Variants in SHISAL1 observed in about 807,000 individuals in gnomAD.
The protein encoded by SHISAL1 is shisa like 1.
In SHISAL1, 9 loss-of-function variants were observed where a neutral mutation model predicts 22.6. The observed-to-expected ratio is 0.40, with a 90% confidence interval of 0.24 to 0.70. SHISAL1 has a LOEUF of 0.70. Ranked by LOEUF, SHISAL1 falls within the 30% of genes least tolerant of loss-of-function variation. The pLI, the probability that SHISAL1 is intolerant of heterozygous loss-of-function variation, is 0.39. For synonymous variants in SHISAL1, 119 were observed against 115.4 expected (o/e 1.03, Z -0.20); for missense variants, 246 against 270.6 (o/e 0.91, Z 0.64).
chr22:44,275,763 G>A (rs376555686), intron 4 of SHISAL1, among the ~76,000 whole-genome samples: 5 of 152,160 alleles, frequency 3.3e-5, no homozygotes, highest in East Asian at 1.9e-4. Context: ...AATGAGGCTC[G>A]GGATGGCCAA....
At chr22:44,256,189 A>C (rs1301393595) in intron 4 of SHISAL1, among the ~76,000 whole-genome samples, 57 of 112,850 alleles carry the variant, frequency 5.1e-4, no homozygotes, top group Middle Eastern at 9.7e-3. Context: ...GGGTCTCAGG[A>C]CTGGAACTCA....
Position 44,246,770 on chromosome 22 carries a change from C to T in SHISAL1, c.*2915G>A, listed in dbSNP as rs1238741184. The T allele has an allele frequency of 6.7e-6, 1 of 149,304 alleles. No homozygotes were observed. The highest frequency in any genetic ancestry group is 1.5e-5 in the Non-Finnish European group (1 of 67,208). The allele number at this position is 149,304 out of a possible 1,614,324, so 9.2% of individuals were successfully genotyped here. A position where few individuals can be genotyped will look rare whatever the true frequency, so the allele number is the denominator to read the frequency against. ...ACTAACTGGTACCCTACCTCACACA[C>T]TTGACAGGTGAGAAGCAGAGGCTCT... is the stretch of plus-strand genomic sequence containing the variant. On this transcript the variant is annotated 3_prime_UTR_variant, in exon 5 of 5. Coordinates refer to ENST00000381176, the MANE Select transcript of SHISAL1 (RefSeq NM_001099294.2).
intron 4 of SHISAL1, among the ~76,000 whole-genome samples, chr22:44,253,531 C>T (rs548641468): frequency 3.7e-4 from 56 of 149,790 alleles, no homozygotes; most frequent in African/African-American, 1.4e-3. Flanking sequence ...TGGGTTCAAG[C>T]GTTTCTCCTG....
At chr22:44,271,523 G>A (rs2055205483) in intron 4 of SHISAL1, among the ~76,000 whole-genome samples, 1 of 152,236 alleles carries the variant, frequency 6.6e-6, no homozygotes, top group African/African-American at 2.4e-5. Flanking sequence ...GAGCCAAAAT[G>A]CCCATGTTGG....
At chr22:44,300,687 GAGAC>G (rs2055421797) in intron 2 of SHISAL1, among the ~76,000 whole-genome samples, 188 bp downstream of exon 2, 1 of 152,126 alleles carries the variant, frequency 6.6e-6, no homozygotes, top group South Asian at 2.1e-4. Flanking sequence ...TAGAGACAGA[GAGAC>G]AGAGACAGAC....
At chr22:44,288,923 C>G (rs2055334423) in intron 3 of SHISAL1, among the ~76,000 whole-genome samples, 1 of 152,178 alleles carries the variant, frequency 6.6e-6, no homozygotes. Context: ...TTGGGAGGGC[C>G]CTGAAGGCGG....
chr22:44,289,575 C>A (rs2055339201), intron 3 of SHISAL1, among the ~76,000 whole-genome samples: 1 of 152,160 alleles, frequency 6.6e-6, no homozygotes, highest in Admixed American at 6.5e-5. Context: ...CCAGCTCATC[C>A]TCCCTGTCAG....
Position 44,247,714 on chromosome 22 carries a change from G to C in SHISAL1, c.*1971C>G, listed in dbSNP as rs891629171. ...TCTTCATGGGGCTGTTGAGAGGATG[G>C]ACAGCCAGGCAGAATGGAGGATGCT... On this transcript the variant is annotated 3_prime_UTR_variant, in exon 5 of 5. Transcript: ENST00000381176. 9.2e-5 allele frequency: 14 copies of C among 152,322 alleles called. No homozygotes were observed. Among genetic ancestry groups the C allele is most frequent in the African/African-American group, 3.4e-4 (14 of 41,478 alleles). The allele number at this position is 152,322 out of a possible 1,614,324, so 9.4% of individuals were successfully genotyped here.
upstream of SHISAL1, among the ~76,000 whole-genome samples, chr22:44,315,251 A>T (rs1354536755): frequency 6.6e-6 from 1 of 152,164 alleles, no homozygotes; most frequent in African/African-American, 2.4e-5. Context: ...TCAAGGTTCA[A>T]AATATATGTA....
At chr22:44,278,825 G>A (rs1045744072) in intron 4 of SHISAL1, among the ~76,000 whole-genome samples, 8 of 152,120 alleles carry the variant, frequency 5.3e-5, no homozygotes, top group East Asian at 3.9e-4. Flanking sequence ...CATAGGCTTC[G>A]GCTTGAGGAG....
intron 4 of SHISAL1, 73 bp from the exon 5 acceptor site, chr22:44,249,758 G>A (rs1348078820): frequency 3.9e-6 from 3 of 771,242 alleles, no homozygotes; most frequent in Non-Finnish European, 7.2e-6. Flanking sequence ...TGGCCTCAGT[G>A]CCGGAAGAAG....
intron 4 of SHISAL1, among the ~76,000 whole-genome samples, chr22:44,263,469 A>T (rs1450988604): frequency 6.6e-6 from 1 of 152,180 alleles, no homozygotes; most frequent in Non-Finnish European, 1.5e-5. Context: ...CAGTACAGGG[A>T]CATCAAGGAA....
chr22:44,311,535 C>T (rs1029538911), intron 1 of SHISAL1, among the ~76,000 whole-genome samples: 2 of 152,344 alleles, frequency 1.3e-5, no homozygotes, highest in Admixed American at 1.3e-4. Flanking sequence ...GAGCCCCTGG[C>T]CTGGGCCAGT....
At chr22:44,329,701 G>A in the SHISAL1 span, among the ~76,000 whole-genome samples, 240 of 152,316 alleles carry the variant, frequency 1.6e-3, 1 homozygote, top group South Asian at 0.017. Flanking sequence ...CTGGGGAGAC[G>A]AGGTGCTTGC....
chr22:44,259,393 G>A (rs1223705078), intron 4 of SHISAL1, among the ~76,000 whole-genome samples: 5 of 151,866 alleles, frequency 3.3e-5, no homozygotes, highest in African/African-American at 9.7e-5. Flanking sequence ...AGCCGATATC[G>A]CGCCACTGCA....
At chr22:44,306,867 G>A (rs9614435) in intron 1 of SHISAL1, among the ~76,000 whole-genome samples, 19,374 of 141,536 alleles carry the variant, frequency 0.14, 1,542 homozygotes, top group Non-Finnish European at 0.18. Flanking sequence ...GGCGTGTGCA[G>A]AGGGGACCTG....
At chr22:44,299,176 C>T (rs2147301020) in intron 2 of SHISAL1, among the ~76,000 whole-genome samples, 1 of 152,298 alleles carries the variant, frequency 6.6e-6, no homozygotes. Flanking sequence ...CATCCGTGGG[C>T]TTCTGCTCTG....
At position 44,249,407 on chromosome 22, in the gene SHISAL1, G is replaced by A; in HGVS notation, c.*278C>T. 2.0e-5 allele frequency: 8 copies of A among 394,468 alleles called. No homozygotes were observed. The highest frequency in any genetic ancestry group is 3.7e-5 in the Non-Finnish European group (8 of 217,176). The allele number at this position is 394,468 out of a possible 1,614,324, so 24.4% of individuals were successfully genotyped here. On this transcript the variant is annotated 3_prime_UTR_variant, in exon 5 of 5. Transcript: ENST00000381176. ...GTCTTGGTCATCCTGAGTCCACAAT[G>A]AGTCACCTCTCAGAAGCCACCAGCC...
upstream of SHISAL1, among the ~76,000 whole-genome samples, chr22:44,315,520 G>A (rs935518317): frequency 4.9e-4 from 74 of 152,166 alleles, 1 homozygote; most frequent in African/African-American, 1.3e-3. Context: ...CATACACCTC[G>A]TCCCTTTGAG....
Sources: gnomAD v4.1 joint callset for allele counts (sites outside exome capture counted in the v4.1 genomes callset) on GRCh38, gnomAD v4.1.1 for gene constraint, MANE v1.5 for transcripts, NCBI Gene and HGNC (gene_info 2026-07-23, HGNC 2026-07-21) for gene names.